SKP2: variants seen among roughly 807,000 people sequenced by gnomAD.
SKP2 encodes the protein S-phase kinase associated protein 2, also known as S-phase kinase-associated protein 2.
In SKP2, 16 loss-of-function variants were observed where a neutral mutation model predicts 51.8. The observed-to-expected ratio is 0.31, with a 90% confidence interval of 0.21 to 0.47. The LOEUF is 0.47. Ranked by LOEUF, SKP2 falls within the 20% of genes least tolerant of loss-of-function variation. The pLI is 1.00. For missense variants in SKP2, 377 were observed against 505.3 expected, an observed-to-expected ratio of 0.75 and a Z score of 2.43; for synonymous variants, 176 against 198.6, an observed-to-expected ratio of 0.89 and a Z score of 0.96.
intron 9 of SKP2, among the ~76,000 whole-genome samples, chr5:36,178,968 C>G (rs1272652214): frequency 6.6e-6 from 1 of 152,092 alleles, no homozygotes; most frequent in Non-Finnish European, 1.5e-5. Context: ...TTGATAGTTA[C>G]AAACACGGGT....
intron 7 of SKP2, among the ~76,000 whole-genome samples, chr5:36,176,086 T>G (rs930996064): frequency 3.1e-4 from 47 of 152,066 alleles, no homozygotes; most frequent in Non-Finnish European, 1.2e-4. Context: ...ACCTACTTTA[T>G]GGTAGACCTA....
At chr5:36,170,860 CATA>C (rs1348875769) in intron 6 of SKP2, among the ~76,000 whole-genome samples, 1 of 152,124 alleles carries the variant, frequency 6.6e-6, no homozygotes, top group Non-Finnish European at 1.5e-5. Context: ...CAATATCTTT[CATA>C]ATAATGTCAG....
rs1745482428 is a variant in SKP2 at position 36,171,720 on chromosome 5, T to C, written c.888T>C (p.Asn296=). The change falls in exon 7 of 10, where the codon AAT becomes AAC. Residue 296 remains asparagine, a synonymous_variant. Transcript: ENST00000274255. ...TQLNLSGYRK[N]LQKSDLSTLV... ...TGAATCTTAGCGGCTACAGAAAGAA[T>C]CTCCAGAAATCAGGTTAGAGCTTCC... 3 of 1,613,740 alleles carry C rather than the reference T, an allele frequency of 1.9e-6. No homozygotes were observed. Among genetic ancestry groups the C allele is most frequent in the Non-Finnish European group, 1.7e-6 (2 of 1,179,820 alleles).
chr5:36,172,004 A>G (rs965035708), intron 7 of SKP2, among the ~76,000 whole-genome samples: 9 of 152,264 alleles, frequency 5.9e-5, no homozygotes, highest in African/African-American at 2.2e-4. Context: ...ACTTTTAATC[A>G]ACTAAATGGT....
At chr5:36,162,876 G>GCAAA (rs1208879071) in intron 2 of SKP2, among the ~76,000 whole-genome samples, 1 of 152,194 alleles carries the variant, frequency 6.6e-6, no homozygotes, top group Non-Finnish European at 1.5e-5. Context: ...GGAAGGGGAA[G>GCAAA]CAAACGTCCT....
intron 2 of SKP2, among the ~76,000 whole-genome samples, chr5:36,159,702 A>T (rs1448586308): frequency 6.6e-6 from 1 of 152,200 alleles, no homozygotes; most frequent in Non-Finnish European, 1.5e-5. Context: ...GCCCATAGGG[A>T]TAACCTGCCT....
At position 36,175,012 on chromosome 5, in the gene SKP2, A is replaced by G. The variant is rs527321774; in HGVS notation, c.902-1953A>G. Among the ~76,000 whole-genome samples the G allele has an allele frequency of 1.2e-3, 189 of 152,252 alleles. 1 individual carries two copies. Among genetic ancestry groups the G allele is most frequent in the Admixed American group, 3.7e-3 (57 of 15,288 alleles). On this transcript the variant is annotated intron_variant, in intron 7 of 9. Transcript: ENST00000274255. ...CCATTGGAGTATTTCGAGCAGAGCA[A>G]TATGACTGACTTCATTTTAAAAGAC... is the stretch of plus-strand genomic sequence containing the variant.
chr5:36,183,685 A>G lies in SKP2; in HGVS notation c.*1654A>G. 1 of 1,251,946 alleles carries G rather than the reference A, an allele frequency of 8.0e-7. No individual in the cohort carries two copies. Among genetic ancestry groups the G allele is most frequent in the South Asian group, 3.7e-5 (1 of 26,712 alleles). 77.6% of individuals were successfully genotyped at this position (1,251,946 alleles called of 1,614,324 possible). On this transcript the variant is annotated 3_prime_UTR_variant, in exon 10 of 10. Coordinates refer to ENST00000274255, the MANE Select transcript of SKP2 (RefSeq NM_005983.4). Reference sequence around the variant, plus strand: ...ATTTATATTAACTTTTTTTTTTTAAATCAAAAATTGTTAATGTTAGAAACA... The same window carrying G: ...ATTTATATTAACTTTTTTTTTTTAAGTCAAAAATTGTTAATGTTAGAAACA...
downstream of SKP2, among the ~76,000 whole-genome samples, chr5:36,187,772 T>C (rs1195646239): frequency 6.6e-6 from 1 of 152,208 alleles, no homozygotes; most frequent in Non-Finnish European, 1.5e-5. Context: ...AGAGCTGAGT[T>C]CAATTCCCGG....
In SKP2 at chr5:36,153,186, G is replaced by A. The variant is rs1744806528; in HGVS notation, c.280+144G>A. Reference sequence around the variant, plus strand: ...GCTATTTTTCAACAAAATAGGGCAAGTCGTCAAGTATGCAGGAATCTTGGT... The same window carrying A: ...GCTATTTTTCAACAAAATAGGGCAAATCGTCAAGTATGCAGGAATCTTGGT... On this transcript the variant is annotated intron_variant, in intron 2 of 9. Transcript: ENST00000274255. 1.1e-5 allele frequency: 7 copies of A among 643,324 alleles called. No individual in the cohort carries two copies. In the Admixed American group the frequency reaches 1.2e-4, roughly 11 times the overall value. The allele number at this position is 643,324 out of a possible 1,614,324, so 39.9% of individuals were successfully genotyped here. A position where few individuals can be genotyped will look rare whatever the true frequency, so the allele number is the denominator to read the frequency against.
intron 4 of SKP2, 63 bp downstream of exon 4, chr5:36,166,725 C>CTTTTTTTTT (rs3086385): frequency 2.4e-5 from 21 of 861,570 alleles, no homozygotes; most frequent in Admixed American, 2.5e-5. Flanking sequence ...CAGATCAAAG[C>CTTTTTTTTT]TTTTTTTTTT....
chr5:36,177,988 G>A (rs1745687723), intron 9 of SKP2, among the ~76,000 whole-genome samples: 1 of 152,084 alleles, frequency 6.6e-6, no homozygotes, highest in South Asian at 2.1e-4. Context: ...ACAGAATCAA[G>A]GGAGTGCAAG....
chr5:36,161,849 T>C (rs78194908), intron 2 of SKP2, among the ~76,000 whole-genome samples: 6,151 of 152,256 alleles, frequency 0.04, 413 homozygotes, highest in African/African-American at 0.14. Context: ...ATCACCAGAA[T>C]TGGTGTAGAA....
intron 9 of SKP2, chr5:36,180,166 C>G: frequency 1.6e-6 from 1 of 626,554 alleles, no homozygotes; most frequent in Non-Finnish European, 2.8e-6. Flanking sequence ...TAAATATTCT[C>G]CAGTGCAGAA....
At chr5:36,186,178 T>C (rs138536693), downstream of SKP2, among the ~76,000 whole-genome samples, 1,853 of 152,338 alleles carry the variant, frequency 0.012, 156 homozygotes, top group East Asian at 0.21. Context: ...TTTCTAAATA[T>C]ACAATCATGT....
intron 4 of SKP2, 34 bp downstream of exon 4, chr5:36,166,696 C>G: frequency 6.8e-7 from 1 of 1,465,398 alleles, no homozygotes; most frequent in Non-Finnish European, 9.5e-7. Flanking sequence ...AAGACTATTT[C>G]TAAATTTCGA....
chr5:36,171,559 G>A (rs185796404), intron 6 of SKP2, 44 bp from the exon 7 acceptor site: 142 of 1,589,996 alleles, frequency 8.9e-5, no homozygotes, highest in East Asian at 6.7e-5. Context: ...ACTCATTCCC[G>A]TGTGATGGTT....
intron 9 of SKP2, among the ~76,000 whole-genome samples, chr5:36,180,906 G>C (rs1455723117): frequency 6.6e-6 from 1 of 152,150 alleles, no homozygotes. Flanking sequence ...CCTTTCCTGA[G>C]ACTTTGTACT....
At chr5:36,156,849 C>T (rs1296338467) in intron 2 of SKP2, among the ~76,000 whole-genome samples, 1 of 152,118 alleles carries the variant, frequency 6.6e-6, no homozygotes, top group African/African-American at 2.4e-5. Context: ...TCCTGAGATT[C>T]TGATCCGGGG....
Sources: allele counts gnomAD v4.1 joint callset (sites outside exome capture counted in the v4.1 genomes callset), GRCh38; gene constraint gnomAD v4.1.1; transcripts MANE v1.5; gene names NCBI Gene and HGNC (gene_info 2026-07-23, HGNC 2026-07-21).